The following TMPRSS5 variants were observed in gnomAD, a reference collection of about 807,000 sequenced individuals.
TMPRSS5 encodes the protein transmembrane serine protease 5, also known as transmembrane protease serine 5.
A neutral mutation model predicts 59.7 loss-of-function variants in TMPRSS5; 45 were observed. The ratio of observed to expected loss-of-function variants is 0.75; its 90% CI spans 0.59 to 0.97. The LOEUF (loss-of-function observed/expected upper bound fraction) is 0.97, where lower values mean the gene tolerates loss of function less well. Among genes scored for constraint, TMPRSS5 ranks in the 50% least tolerant of loss-of-function variants. The pLI is 0.00. For missense variants in TMPRSS5, 585 were observed against 596.7 expected, an observed-to-expected ratio of 0.98 and a Z score of 0.20; for synonymous variants, 225 against 232.0, an observed-to-expected ratio of 0.97 and a Z score of 0.27.
At chr11:113,692,960 G>A in intron 9 of TMPRSS5, 111 bp downstream of exon 9, 1 of 1,190,336 alleles carries the variant, frequency 8.4e-7, no homozygotes, top group African/African-American at 1.5e-5. Flanking sequence ...ATGTTTTAAG[G>A]TTTACAGTGT....
chr11:113,693,409 C>A (rs1280524821), intron 8 of TMPRSS5, among the ~76,000 whole-genome samples, 160 bp from the exon 9 acceptor site: 2 of 152,184 alleles, frequency 1.3e-5, no homozygotes, highest in East Asian at 3.9e-4. Flanking sequence ...CTTAGTATCA[C>A]CCCAGCAGCC....
chr11:113,690,176 G>GCCCACCCCCCCCC, intron 11 of TMPRSS5, 55 bp downstream of exon 11: 1 of 388,228 alleles, frequency 2.6e-6, no homozygotes, highest in Non-Finnish European at 4.2e-6. Context: ...CAGGCCCCCT[G>GCCCACCCCCCCCC]CCCTCCCACC....
chr11:113,688,126 C>G lies in TMPRSS5; in HGVS notation c.*134G>C. ...GGCTGGCCAGTGGGTAGTGACTGTTCCTCACACACAGTAGTAGGAGGTCCA... is the reference window on the plus strand; with the variant it reads ...GGCTGGCCAGTGGGTAGTGACTGTTGCTCACACACAGTAGTAGGAGGTCCA... On this transcript the variant is annotated 3_prime_UTR_variant, in exon 13 of 13. Transcript: ENST00000299882. 7.4e-7 allele frequency: 1 copy of G among 1,360,360 alleles called. No individual in the cohort carries two copies. The highest frequency in any genetic ancestry group is 9.5e-7 in the Non-Finnish European group (1 of 1,048,194). 84.3% of individuals were successfully genotyped at this position (1,360,360 alleles called of 1,614,324 possible).
intron 9 of TMPRSS5, among the ~76,000 whole-genome samples, chr11:113,691,882 C>T (rs369890291): frequency 3.3e-4 from 23 of 70,738 alleles, no homozygotes; most frequent in African/African-American, 1.3e-3. Flanking sequence ...GTTTTCTTTT[C>T]CTTTTTTTTC....
At chr11:113,691,496 G>A (rs1331746509) in intron 9 of TMPRSS5, among the ~76,000 whole-genome samples, 1 of 152,092 alleles carries the variant, frequency 6.6e-6, no homozygotes, top group Non-Finnish European at 1.5e-5. Flanking sequence ...GAGACAGCAC[G>A]CCCAGGTGCA....
intron 7 of TMPRSS5, 96 bp downstream of exon 7, chr11:113,695,304 C>T: frequency 1.4e-6 from 2 of 1,382,250 alleles, no homozygotes; most frequent in South Asian, 1.2e-5. Context: ...TACCCCAGGC[C>T]CAGCAGAGTC....
chr11:113,697,292 C>T lies in TMPRSS5; in HGVS notation c.455G>A (p.Gly152Glu), dbSNP rs1319083841. The change falls in exon 5 of 13, where the codon GGG becomes GAG. Residue 152 changes from glycine (G) to glutamate (E), a missense_variant. By Grantham distance (98) the Gly-to-Glu change is moderately conservative. Coordinates refer to ENST00000299882, the MANE Select transcript of TMPRSS5 (RefSeq NM_030770.4). ...ALGLQICWSL[G>E]HLRLTHHKGV... ...ATCTAACTCCTGTTACCTGAGATGC[C>T]CAAGGCTCCAGCAGATCTGCAGCCC... 2 of 1,610,762 alleles carry T rather than the reference C, an allele frequency of 1.2e-6. No homozygotes were observed. The highest frequency in any genetic ancestry group is 1.7e-6 in the Non-Finnish European group (2 of 1,177,768).
At chr11:113,694,140 C>T (rs905028963) in intron 8 of TMPRSS5, among the ~76,000 whole-genome samples, 1 of 151,432 alleles carries the variant, frequency 6.6e-6, no homozygotes, top group Non-Finnish European at 1.5e-5. Context: ...ATAGTGGTGC[C>T]CAGCTGAGGC....
At position 113,688,139 on chromosome 11, in the gene TMPRSS5, A is replaced by G. The variant is rs1279521533; in HGVS notation, c.*121T>C. ...GTAGTGACTGTTCCTCACACACAGTAGTAGGAGGTCCATGCGTTCTGTGTC... is the reference window on the plus strand; with the variant it reads ...GTAGTGACTGTTCCTCACACACAGTGGTAGGAGGTCCATGCGTTCTGTGTC... On this transcript the variant is annotated 3_prime_UTR_variant, in exon 13 of 13. Transcript: ENST00000299882. 2 of 1,447,288 alleles carry G rather than the reference A, an allele frequency of 1.4e-6. No individual in the cohort carries two copies. The highest frequency in any genetic ancestry group is 2.9e-5 in the African/African-American group (2 of 69,872). The allele number at this position is 1,447,288 out of a possible 1,614,324, so 89.7% of individuals were successfully genotyped here.
intron 7 of TMPRSS5, among the ~76,000 whole-genome samples, chr11:113,694,868 A>C (rs1375286303): frequency 6.6e-6 from 1 of 152,188 alleles, no homozygotes. Flanking sequence ...CTGTATCTGC[A>C]CTAATGGAGC....
chr11:113,701,909 G>A (rs527361968), intron 1 of TMPRSS5, among the ~76,000 whole-genome samples: 1 of 152,104 alleles, frequency 6.6e-6, no homozygotes, highest in East Asian at 1.9e-4. Flanking sequence ...TAGGTTTTAA[G>A]CCCTGTATGC....
At position 113,699,272 on chromosome 11, in the gene TMPRSS5, C is replaced by CCCCCTCTCTCTCCCT. The variant is rs1565263847; in HGVS notation, c.206-246_206-245insAGGGAGAGAGAGGGG. ...CTCTCTCTCTCTCTCTCTCTCTCTC[C>CCCCCTCTCTCTCCCT]CTCTCTCTCTCTCTCTCTCTGTCTC... On this transcript the variant is annotated intron_variant, in intron 3 of 12. Transcript: ENST00000299882. Among the ~76,000 whole-genome samples, 78 of 24,048 alleles carry CCCCCTCTCTCTCCCT rather than the reference C, an allele frequency of 3.2e-3. 10 individuals are homozygous for CCCCCTCTCTCTCCCT. Among genetic ancestry groups the CCCCCTCTCTCTCCCT allele is most frequent in the African/African-American group, 0.01 (50 of 4,970 alleles). 15.8% of individuals were successfully genotyped at this position (24,048 alleles called of 152,430 possible). A position where few individuals can be genotyped will look rare whatever the true frequency, so the allele number is the denominator to read the frequency against.
chr11:113,692,880 C>T (rs1952821440), intron 9 of TMPRSS5, among the ~76,000 whole-genome samples, 191 bp downstream of exon 9: 1 of 152,110 alleles, frequency 6.6e-6, no homozygotes, highest in Non-Finnish European at 1.5e-5. Context: ...CCCAAAAGAG[C>T]CTGTACAAGA....
intron 4 of TMPRSS5, chr11:113,698,702 T>G: frequency 1.6e-6 from 1 of 613,430 alleles, no homozygotes; most frequent in South Asian, 2.1e-5. Flanking sequence ...CAGCTAGAGA[T>G]CAGGACAGTC....
intron 4 of TMPRSS5, among the ~76,000 whole-genome samples, chr11:113,698,586 T>C (rs980452086): frequency 6.6e-6 from 1 of 152,064 alleles, no homozygotes; most frequent in East Asian, 1.9e-4. Context: ...ACACACTGGC[T>C]CCCACACACA....
chr11:113,690,114 G>A, intron 11 of TMPRSS5, 117 bp downstream of exon 11: 1 of 1,394,384 alleles, frequency 7.2e-7, no homozygotes. Flanking sequence ...TTCTAGAGAG[G>A]CTGTCTCACA....
chr11:113,692,987 A>G (rs1952824029), intron 9 of TMPRSS5, 84 bp downstream of exon 9: 2 of 1,290,232 alleles, frequency 1.6e-6, no homozygotes, highest in Non-Finnish European at 2.2e-6. Context: ...GAAACTTCAG[A>G]AATCAGCTCA....
chr11:113,699,063 C>T, intron 3 of TMPRSS5, 36 bp from the exon 4 acceptor site: 2 of 1,600,864 alleles, frequency 1.2e-6, no homozygotes, highest in South Asian at 1.1e-5. Context: ...GTCTGATTTC[C>T]AAAGGAAGGT....
At chr11:113,703,348 G>C (rs886084390) in intron 1 of TMPRSS5, among the ~76,000 whole-genome samples, 1 of 152,216 alleles carries the variant, frequency 6.6e-6, no homozygotes, top group African/African-American at 2.4e-5. Context: ...ATTTGGAATA[G>C]GTGTATTTAC....
Sources: allele counts gnomAD v4.1 joint callset (sites outside exome capture counted in the v4.1 genomes callset), GRCh38; gene constraint gnomAD v4.1.1; transcripts MANE v1.5; gene names NCBI Gene and HGNC (gene_info 2026-07-23, HGNC 2026-07-21).